PRKCB: variants seen among roughly 807,000 people sequenced by gnomAD.
PRKCB encodes protein kinase C beta type.
Under a neutral mutation model 81.5 loss-of-function variants are expected in PRKCB, and 13 were observed. The observed-to-expected ratio is 0.16, with a 90% CI of 0.10 to 0.25. The LOEUF (loss-of-function observed/expected upper bound fraction) is 0.25. Ranked by LOEUF, PRKCB falls within the 10% of genes least tolerant of loss-of-function variation. The pLI is 1.00. For synonymous variants in PRKCB, 335 were observed against 321.4 expected (o/e 1.04, Z -0.45); for missense variants, 509 against 875.7 (o/e 0.58, Z 5.29).
intron 5 of PRKCB, among the ~76,000 whole-genome samples, chr16:24,077,595 T>G (rs1361419310): frequency 1.3e-5 from 2 of 152,202 alleles, no homozygotes; most frequent in East Asian, 1.9e-4. Flanking sequence ...CATCCATCCA[T>G]GTAATCATAT....
chr16:24,211,983 G>A (rs1372761145), intron 16 of PRKCB, among the ~76,000 whole-genome samples: 1 of 152,136 alleles, frequency 6.6e-6, no homozygotes, highest in Non-Finnish European at 1.5e-5. Context: ...AGAAGAGCGT[G>A]CACCTCTTGA....
intron 3 of PRKCB, among the ~76,000 whole-genome samples, chr16:23,988,860 G>T (rs4788153): frequency 6.6e-6 from 1 of 151,830 alleles, no homozygotes; most frequent in Non-Finnish European, 1.5e-5. Flanking sequence ...AGAGGCAGGG[G>T]CCTACTTGGT....
rs1375237541 is a variant in PRKCB at position 24,180,779 on chromosome 16, G to A, written c.1395-11G>A. 1.2e-6 allele frequency: 2 copies of A among 1,612,084 alleles called. No homozygotes were observed. ...TTTAATTAAATCTCTAAATTCTTGT[G>A]TCTGCCATAGTGACCTAAAACTTGA... is the stretch of plus-strand genomic sequence containing the variant. On this transcript the variant is annotated splice_polypyrimidine_tract_variant and intron_variant, in intron 12 of 16. Coordinates refer to ENST00000643927, the MANE Select transcript of PRKCB (RefSeq NM_002738.7).
chr16:24,169,608 A>G lies in PRKCB; in HGVS notation c.1240-2662A>G, dbSNP rs560237263. On this transcript the variant is annotated intron_variant, in intron 10 of 16. Coordinates refer to ENST00000643927, the MANE Select transcript of PRKCB (RefSeq NM_002738.7). Reference sequence around the variant, plus strand: ...CATAGCTGCTTTCGTCATCTCCTTCAAGTCTTTGCTGAAGGATCGCCTTCT... The same window carrying G: ...CATAGCTGCTTTCGTCATCTCCTTCGAGTCTTTGCTGAAGGATCGCCTTCT... 4.6e-5 allele frequency among the ~76,000 whole-genome samples: 7 copies of G among 152,056 alleles called. No homozygotes were observed. In the South Asian group the frequency reaches 1.5e-3, roughly 32 times the overall value.
chr16:24,024,458 G>A (rs1483231838), intron 3 of PRKCB, among the ~76,000 whole-genome samples: 2 of 152,166 alleles, frequency 1.3e-5, no homozygotes, highest in African/African-American at 4.8e-5. Flanking sequence ...AATTAAGAGA[G>A]TAAATTTCAA....
chr16:23,939,601 T>TG lies in PRKCB; in HGVS notation c.206-48905dup, dbSNP rs543337137. ...TGACAAAGGCACAAAAGGAGTTCAATGGAGAAATGAATTTTCAACACATAG... is the reference window on the plus strand; with the variant it reads ...TGACAAAGGCACAAAAGGAGTTCAATGGGAGAAATGAATTTTCAACACATAG... On this transcript the variant is annotated intron_variant, in intron 2 of 16. Coordinates refer to ENST00000643927, the MANE Select transcript of PRKCB (RefSeq NM_002738.7). Among the ~76,000 whole-genome samples, 12 of 152,318 alleles carry TG rather than the reference T, an allele frequency of 7.9e-5. No individual in the cohort carries two copies. The South Asian group carries it at 8.3e-4, about 11-fold the overall frequency.
Position 23,927,164 on chromosome 16 carries a change from G to A in PRKCB, c.206-61344G>A, listed in dbSNP as rs112809010. Among the ~76,000 whole-genome samples the A allele has an allele frequency of 7.2e-3, 1,090 of 152,016 alleles. 3 individuals are homozygous for A. The highest frequency in any genetic ancestry group is 0.031 in the Middle Eastern group (9 of 294). On this transcript the variant is annotated intron_variant, in intron 2 of 16. Transcript: ENST00000643927. ...CGTAGAGTTGGGTGCTTAATTGAAG[G>A]CATCAGGAAGGCTTCCAGGACTAAA...
chr16:24,027,946 A>G (rs985945450), intron 3 of PRKCB, among the ~76,000 whole-genome samples: 6 of 151,904 alleles, frequency 3.9e-5, no homozygotes, highest in African/African-American at 1.5e-4. Flanking sequence ...TAATACATAT[A>G]TATAGTAGAG....
intron 12 of PRKCB, among the ~76,000 whole-genome samples, chr16:24,176,203 T>TTC (rs1967528540): frequency 6.6e-6 from 1 of 152,060 alleles, no homozygotes; most frequent in South Asian, 2.1e-4. Context: ...CATTCCTACT[T>TTC]TCTCCTAATG....
chr16:24,115,055 TG>T (rs1406366728), intron 8 of PRKCB, among the ~76,000 whole-genome samples: 2 of 152,112 alleles, frequency 1.3e-5, no homozygotes, highest in Non-Finnish European at 2.9e-5. Context: ...GCCCTGTGGT[TG>T]GGGGTTATAT....
intron 5 of PRKCB, among the ~76,000 whole-genome samples, chr16:24,041,068 G>T (rs74958094): frequency 0.58 from 85,654 of 148,720 alleles, 25,055 homozygotes; most frequent in South Asian, 0.68. Context: ...TTTTGTGTGT[G>T]TGTGACAGAG....
intron 2 of PRKCB, among the ~76,000 whole-genome samples, chr16:23,934,425 T>C (rs996350692): frequency 2.0e-5 from 3 of 151,932 alleles, no homozygotes; most frequent in African/African-American, 7.3e-5. Flanking sequence ...CGTGGCTTTG[T>C]GGGCTGGAAA....
chr16:24,142,690 G>A (rs926565737), intron 9 of PRKCB, among the ~76,000 whole-genome samples: 2 of 152,198 alleles, frequency 1.3e-5, no homozygotes, highest in Non-Finnish European at 2.9e-5. Flanking sequence ...GCTCGTCCAC[G>A]GAAGGGCTGG....
chr16:23,929,948 G>A (rs890416659), intron 2 of PRKCB, among the ~76,000 whole-genome samples: 1 of 151,828 alleles, frequency 6.6e-6, no homozygotes. Flanking sequence ...CTCTTCCCCC[G>A]GGACCCCCGA....
At chr16:24,184,923 A>T (rs920056348) in intron 13 of PRKCB, among the ~76,000 whole-genome samples, 188 bp from the exon 14 acceptor site, 1 of 152,220 alleles carries the variant, frequency 6.6e-6, no homozygotes, top group Non-Finnish European at 1.5e-5. Flanking sequence ...CGAAAAGGCA[A>T]TGTGACAGCC....
At chr16:23,949,467 A>T (rs766232667) in intron 2 of PRKCB, among the ~76,000 whole-genome samples, 1 of 152,186 alleles carries the variant, frequency 6.6e-6, no homozygotes, top group Non-Finnish European at 1.5e-5. Flanking sequence ...GTTGATTCTC[A>T]TGGTCTTGGA....
chr16:23,925,607 A>G (rs1393343477), intron 2 of PRKCB, among the ~76,000 whole-genome samples: 1 of 152,108 alleles, frequency 6.6e-6, no homozygotes, highest in Admixed American at 6.5e-5. Flanking sequence ...TCCAAACATG[A>G]GGACTTCTTA....
intron 9 of PRKCB, among the ~76,000 whole-genome samples, chr16:24,141,718 G>A (rs771105647): frequency 1.3e-5 from 2 of 152,176 alleles, no homozygotes; most frequent in Non-Finnish European, 2.9e-5. Context: ...TGCTGGTTTT[G>A]TAGGGAAATC....
intron 10 of PRKCB, among the ~76,000 whole-genome samples, chr16:24,160,232 G>A (rs1244854699): frequency 5.7e-5 from 8 of 140,490 alleles, no homozygotes; most frequent in Non-Finnish European, 1.1e-4. Flanking sequence ...AAGTTACTCC[G>A]CTTATCCTAC....
Sources: gnomAD v4.1 joint callset for allele counts (sites outside exome capture counted in the v4.1 genomes callset) on GRCh38, gnomAD v4.1.1 for gene constraint, MANE v1.5 for transcripts, NCBI Gene and HGNC (gene_info 2026-07-23, HGNC 2026-07-21) for gene names.